BDP1: variants seen among roughly 807,000 people sequenced by gnomAD.
BDP1 encodes the protein BDP1 general transcription factor IIIB subunit.
In BDP1, 169 loss-of-function variants were observed where a neutral mutation model predicts 266.6. The ratio of observed to expected loss-of-function variants is 0.63; its 90% confidence interval spans 0.56 to 0.72. The LOEUF (loss-of-function observed/expected upper bound fraction) is 0.72. Among genes scored for constraint, BDP1 ranks in the 30% least tolerant of loss-of-function variants. The probability of loss-of-function intolerance (pLI) is 0.00; values close to 1 mark genes in which losing one functional copy is unlikely to be tolerated. For missense variants in BDP1, 3,015 were observed against 3,053.8 expected, an observed-to-expected ratio of 0.99 and a Z score of 0.30; for synonymous variants, 1,090 against 1,022.4, an observed-to-expected ratio of 1.07 and a Z score of -1.26.
intron 32 of BDP1, chr5:71,545,441 C>G (rs765917869): frequency 2.0e-6 from 1 of 511,846 alleles, no homozygotes; most frequent in African/African-American, 2.0e-5. Context: ...AACAGATTCT[C>G]CTGCCTCAGC....
At chr5:71,526,742 C>T (rs1227833850) in intron 25 of BDP1, among the ~76,000 whole-genome samples, 2 of 140,000 alleles carry the variant, frequency 1.4e-5, no homozygotes, top group African/African-American at 2.7e-5. Flanking sequence ...GTCTGGAGTG[C>T]AGTGGTGGGA....
intron 22 of BDP1, among the ~76,000 whole-genome samples, chr5:71,519,005 A>T (rs1037340365): frequency 2.6e-5 from 4 of 151,658 alleles, no homozygotes; most frequent in Non-Finnish European, 5.9e-5. Context: ...TTTTTAGTAG[A>T]GATGGGGTTT....
intron 6 of BDP1, among the ~76,000 whole-genome samples, chr5:71,469,222 G>A (rs1004907436): frequency 2.0e-5 from 3 of 150,522 alleles, no homozygotes; most frequent in African/African-American, 7.3e-5. Flanking sequence ...CACTGCAGCC[G>A]CCACCTCCTA....
At position 71,511,300 on chromosome 5, in the gene BDP1, A is replaced by C. The variant is rs532485922; in HGVS notation, c.4059+149A>C. On this transcript the variant is annotated intron_variant, in intron 17 of 38. Transcript: ENST00000358731. Reference sequence around the variant, plus strand: ...TTGTAGCCCTAAGTTTCTATGTTTCAGTGCCTTGAAGAAACTGTATGTTCT... The same window carrying C: ...TTGTAGCCCTAAGTTTCTATGTTTCCGTGCCTTGAAGAAACTGTATGTTCT... 1.8e-5 allele frequency: 13 copies of C among 727,272 alleles called. No homozygotes were observed. The East Asian group carries it at 1.9e-4, about 11-fold the overall frequency. 45.1% of individuals were successfully genotyped at this position (727,272 alleles called of 1,614,324 possible). A position where few individuals can be genotyped will look rare whatever the true frequency, so the allele number is the denominator to read the frequency against.
intron 17 of BDP1, among the ~76,000 whole-genome samples, chr5:71,511,964 A>G (rs1319570820): frequency 2.7e-5 from 4 of 150,636 alleles, no homozygotes; most frequent in African/African-American, 9.7e-5. Flanking sequence ...GTTACTTTGA[A>G]GTTCATGATC....
chr5:71,512,526 T>C (rs146574027), intron 18 of BDP1, 98 bp downstream of exon 18: 2 of 765,930 alleles, frequency 2.6e-6, no homozygotes, highest in African/African-American at 1.8e-5. Context: ...AGGATAGTGT[T>C]AGAGCTTTTA....
At chr5:71,472,094 G>C (rs1336564064) in intron 7 of BDP1, among the ~76,000 whole-genome samples, 1 of 152,210 alleles carries the variant, frequency 6.6e-6, no homozygotes, top group Non-Finnish European at 1.5e-5. Context: ...TGGGCTATTT[G>C]TCTCAAAAAT....
chr5:71,557,427 C>A (rs539564576), intron 36 of BDP1, among the ~76,000 whole-genome samples: 26 of 140,550 alleles, frequency 1.8e-4, no homozygotes, highest in African/African-American at 6.2e-4. Context: ...CTCTGTCACC[C>A]AGGCTGGAGT....
At chr5:71,471,190 T>G (rs562627296) in intron 7 of BDP1, among the ~76,000 whole-genome samples, 28 of 145,652 alleles carry the variant, frequency 1.9e-4, no homozygotes, top group African/African-American at 6.4e-4. Context: ...TTGCCCAGGC[T>G]GGAGTGCAGT....
intron 3 of BDP1, 121 bp from the exon 4 acceptor site, chr5:71,463,937 G>A (rs540978739): frequency 1.2e-4 from 73 of 596,186 alleles, no homozygotes; most frequent in African/African-American, 9.1e-4. Context: ...TGTCATTAAC[G>A]AAATGCTGTG....
intron 38 of BDP1, among the ~76,000 whole-genome samples, chr5:71,563,131 G>T (rs1228653936): frequency 6.6e-6 from 1 of 152,012 alleles, no homozygotes; most frequent in African/African-American, 2.4e-5. Context: ...TGCCAAAGTC[G>T]TGGGTTTTGT....
At chr5:71,543,301 AAG>A (rs1767082865) in intron 30 of BDP1, among the ~76,000 whole-genome samples, 1 of 151,920 alleles carries the variant, frequency 6.6e-6, no homozygotes, top group African/African-American at 2.4e-5. Flanking sequence ...AAAAAGAAAA[AAG>A]AAAATCAGGC....
chr5:71,516,901 A>G (rs1226562159), intron 21 of BDP1, among the ~76,000 whole-genome samples: 1 of 152,210 alleles, frequency 6.6e-6, no homozygotes, highest in Non-Finnish European at 1.5e-5. Flanking sequence ...TTCTTAAAAA[A>G]AAAAATTAAA....
In BDP1 at chr5:71,523,921, T is replaced by G; in HGVS notation, c.5388-18T>G. 6.3e-7 allele frequency: 1 copy of G among 1,589,020 alleles called. No individual in the cohort carries two copies. The highest frequency in any genetic ancestry group is 2.2e-5 in the East Asian group (1 of 44,600). ...TTGCATGCATATGACCTTATTGTTG[T>G]TTTGATTAAATATCTAGCTGTCCAC... is the stretch of plus-strand genomic sequence containing the variant. On this transcript the variant is annotated intron_variant, in intron 24 of 38. Transcript: ENST00000358731.
chr5:71,527,701 T>C (rs1432965197), intron 25 of BDP1, among the ~76,000 whole-genome samples: 1 of 152,204 alleles, frequency 6.6e-6, no homozygotes, highest in Admixed American at 6.5e-5. Context: ...CTTTTGGCTG[T>C]TAGAAATAAT....
chr5:71,488,704 C>G (rs1051324154), intron 9 of BDP1, among the ~76,000 whole-genome samples: 1 of 151,676 alleles, frequency 6.6e-6, no homozygotes, highest in Non-Finnish European at 1.5e-5. Flanking sequence ...GCTAGGATTA[C>G]AGGCGTGAGC....
the BDP1 span, among the ~76,000 whole-genome samples, chr5:71,576,601 C>T: frequency 3.1e-4 from 47 of 152,336 alleles, no homozygotes; most frequent in African/African-American, 1.1e-3. Context: ...AGTGTCTTGG[C>T]CCACTGGCTA....
chr5:71,550,801 G>A (rs1025086482), intron 34 of BDP1, among the ~76,000 whole-genome samples: 4 of 152,138 alleles, frequency 2.6e-5, no homozygotes, highest in Non-Finnish European at 4.4e-5. Flanking sequence ...CACCTCCCGG[G>A]TTCAAGTGAT....
In BDP1 at chr5:71,489,465, T is replaced by A. The variant is rs930231888; in HGVS notation, c.1275T>A (p.Ile425=). The A allele has an allele frequency of 1.2e-5, 19 of 1,614,028 alleles. No individual in the cohort carries two copies. Among genetic ancestry groups the A allele is most frequent in the Non-Finnish European group, 1.6e-5 (19 of 1,179,966 alleles). Residue 425 remains isoleucine, a synonymous_variant, in exon 10 of 39, where the codon ATT becomes ATA. Coordinates refer to ENST00000358731, the MANE Select transcript of BDP1 (RefSeq NM_018429.3). Reference sequence around the variant, plus strand: ...CAGATGAGTCTATGAGTTCTAGAATTTCAGACACGGAAAGATCTCAGAAGG... The same window carrying A: ...CAGATGAGTCTATGAGTTCTAGAATATCAGACACGGAAAGATCTCAGAAGG... ...NDPDESMSSR[I]SDTERSQKDA...
Sources: gnomAD v4.1 joint callset for allele counts (sites outside exome capture counted in the v4.1 genomes callset) on GRCh38, gnomAD v4.1.1 for gene constraint, MANE v1.5 for transcripts, NCBI Gene and HGNC (gene_info 2026-07-23, HGNC 2026-07-21) for gene names.